The following HIP1 variants were observed in gnomAD, a reference collection of about 807,000 sequenced individuals.
HIP1 encodes the protein huntingtin-interacting protein 1.
A neutral mutation model predicts 147.6 loss-of-function variants in HIP1; 65 were observed. The ratio of observed to expected loss-of-function variants is 0.44; its 90% CI spans 0.36 to 0.54. The LOEUF is 0.54. HIP1 is among the 20% of genes least tolerant of loss of function. The pLI is 0.00. For missense variants in HIP1, 1,061 were observed against 1,299.6 expected (o/e 0.82, Z 2.82); for synonymous variants, 479 against 504.0 (o/e 0.95, Z 0.67).
chr7:75,660,254 C>A (rs1554513414), intron 1 of HIP1, among the ~76,000 whole-genome samples: 1 of 147,414 alleles, frequency 6.8e-6, no homozygotes, highest in Non-Finnish European at 1.5e-5. Context: ...GGGCCTGGAG[C>A]AGTGGTTCAT....
chr7:75,615,435 G>A (rs587628118), intron 1 of HIP1, among the ~76,000 whole-genome samples: 1 of 152,062 alleles, frequency 6.6e-6, no homozygotes, highest in East Asian at 1.9e-4. Context: ...ATCTGTAGTG[G>A]TGGCTACTTG....
At chr7:75,691,652 T>G (rs533319138) in intron 1 of HIP1, among the ~76,000 whole-genome samples, 5 of 149,664 alleles carry the variant, frequency 3.3e-5, no homozygotes, top group Non-Finnish European at 7.4e-5. Context: ...CACAAAAAAT[T>G]AGCCGGGCAC....
chr7:75,601,532 G>A (rs961202124), intron 1 of HIP1, among the ~76,000 whole-genome samples: 3 of 151,710 alleles, frequency 2.0e-5, no homozygotes, highest in Non-Finnish European at 4.4e-5. Flanking sequence ...GGAGGCAGAG[G>A]TTGCAGTGAG....
intron 1 of HIP1, among the ~76,000 whole-genome samples, chr7:75,659,852 G>A (rs1195670551): frequency 4.6e-5 from 7 of 151,764 alleles, no homozygotes; most frequent in African/African-American, 1.7e-4. Context: ...TCTGGCCTGG[G>A]GGTGGTGGCT....
intron 1 of HIP1, among the ~76,000 whole-genome samples, chr7:75,717,343 C>T (rs1486545860): frequency 1.3e-5 from 2 of 152,056 alleles, no homozygotes; most frequent in East Asian, 3.9e-4. Flanking sequence ...TCCAAGTACA[C>T]AAGGAACTCA....
At chr7:75,709,952 C>T (rs959851016) in intron 1 of HIP1, among the ~76,000 whole-genome samples, 1 of 152,108 alleles carries the variant, frequency 6.6e-6, no homozygotes, top group African/African-American at 2.4e-5. Context: ...GCTCACTGCA[C>T]CCTCAACCTC....
chr7:75,596,744 C>A (rs1237957096), intron 2 of HIP1, among the ~76,000 whole-genome samples: 2 of 152,144 alleles, frequency 1.3e-5, no homozygotes, highest in East Asian at 1.9e-4. Context: ...CTCATGGAGG[C>A]CCCACTCAAG....
chr7:75,695,502 A>C (rs1042985214), intron 1 of HIP1, among the ~76,000 whole-genome samples: 3 of 152,158 alleles, frequency 2.0e-5, no homozygotes, highest in Non-Finnish European at 2.9e-5. Context: ...CACTGCTCCA[A>C]CCCAATGCAG....
At chr7:75,562,526 G>A (rs145175584) in intron 11 of HIP1, among the ~76,000 whole-genome samples, 83 of 152,216 alleles carry the variant, frequency 5.5e-4, no homozygotes, top group African/African-American at 1.8e-3. Context: ...AGGCTGGAGT[G>A]CAGTGGCATG....
At chr7:75,718,962 G>A (rs147649948) in intron 1 of HIP1, among the ~76,000 whole-genome samples, 50 of 152,088 alleles carry the variant, frequency 3.3e-4, no homozygotes, top group African/African-American at 7.5e-4. Flanking sequence ...AGATAAACCC[G>A]GAGACAAGGA....
chr7:75,729,305 CAAAAAAAAAAAAA>C (rs35202804), intron 1 of HIP1, among the ~76,000 whole-genome samples: 2 of 49,208 alleles, frequency 4.1e-5, no homozygotes, highest in Admixed American at 3.1e-4. Context: ...CTTGTCTCTG[CAAAAAAAAAAAAA>C]AAAAAAAAAA....
intron 2 of HIP1, among the ~76,000 whole-genome samples, chr7:75,595,213 T>TTTC (rs1796654461): frequency 1.2e-5 from 1 of 80,260 alleles, no homozygotes; most frequent in Non-Finnish European, 2.3e-5. Context: ...TCTTTCTTTC[T>TTTC]TTCTTTCTTT....
chr7:75,589,011 G>A (rs1554500074), intron 4 of HIP1, among the ~76,000 whole-genome samples: 4 of 151,908 alleles, frequency 2.6e-5, no homozygotes, highest in Non-Finnish European at 5.9e-5. Flanking sequence ...TTAGCTGGGC[G>A]TGGTGGCACA....
chr7:75,639,299 C>A (rs1332272854), intron 1 of HIP1: 1 of 140,508 alleles, frequency 7.1e-6, no homozygotes, highest in Non-Finnish European at 1.4e-5. Context: ...GGCGCGGAGC[C>A]GCAGCGCGCG....
chr7:75,542,358 T>A (rs1794356248), intron 28 of HIP1, among the ~76,000 whole-genome samples: 1 of 151,360 alleles, frequency 6.6e-6, no homozygotes. Flanking sequence ...ATTGCGCCAT[T>A]GCACTCCAGC....
At chr7:75,692,175 CT>C (rs1433542279) in intron 1 of HIP1, among the ~76,000 whole-genome samples, 1 of 152,134 alleles carries the variant, frequency 6.6e-6, no homozygotes, top group African/African-American at 2.4e-5. Flanking sequence ...GGCAGTCTTG[CT>C]TTTTAACCTC....
intron 1 of HIP1, among the ~76,000 whole-genome samples, chr7:75,732,078 C>T (rs755715076): frequency 8.5e-5 from 13 of 152,172 alleles, no homozygotes; most frequent in East Asian, 3.9e-4. Flanking sequence ...GTACCCGCAA[C>T]GTAAACATGA....
rs782615248 is a variant in HIP1, at chr7:75,547,024, C to T, written c.2474G>A (p.Gly825Asp). Residue 825 changes from glycine (G) to aspartate (D), a missense_variant, in exon 25 of 31, where the codon GGT becomes GAT. Gly to Asp is a moderately conservative substitution (Grantham distance 94, BLOSUM62 -1). Coordinates refer to ENST00000336926, the MANE Select transcript of HIP1 (RefSeq NM_005338.7). ...AGCTTGCATGAGGCTGGTACAGCAA[C>T]CAAGGATCCTGCCAAACAAACAAGT... ...VKLEVNERIL[G>D]CCTSLMQAIQ... 6.3e-7 allele frequency: 1 copy of T among 1,581,908 alleles called. No individual in the cohort carries two copies. Among genetic ancestry groups the T allele is most frequent in the African/African-American group, 1.3e-5 (1 of 74,644 alleles).
intron 4 of HIP1, among the ~76,000 whole-genome samples, chr7:75,589,192 A>G (rs1018940907): frequency 6.6e-6 from 1 of 151,978 alleles, no homozygotes. Flanking sequence ...AAAGAAAAGA[A>G]AACTGTACTA....
Sources: allele counts gnomAD v4.1 joint callset (sites outside exome capture counted in the v4.1 genomes callset), GRCh38; gene constraint gnomAD v4.1.1; transcripts MANE v1.5; gene names NCBI Gene and HGNC (gene_info 2026-07-23, HGNC 2026-07-21).